ADK: variants seen among roughly 807,000 people sequenced by gnomAD.
The protein encoded by ADK is N6,N6-dimethyladenosine kinase.
In ADK, 24 loss-of-function variants were observed where a neutral mutation model predicts 44.7. That is an observed-to-expected ratio of 0.54 (90% confidence interval 0.39 to 0.76). ADK has a LOEUF of 0.76. Among genes scored for constraint, ADK ranks in the 30% least tolerant of loss-of-function variants. The pLI, the probability that ADK is intolerant of heterozygous loss-of-function variation, is 0.00. For missense variants in ADK, 321 were observed against 425.1 expected (o/e 0.76, Z 2.15); for synonymous variants, 128 against 142.6 (o/e 0.90, Z 0.73).
At chr10:74,403,399 G>A (rs10824168) in intron 6 of ADK, among the ~76,000 whole-genome samples, 91,336 of 151,922 alleles carry the variant, frequency 0.6, 29,997 homozygotes, top group Middle Eastern at 0.77. Flanking sequence ...TACCTAGTTC[G>A]AGCTTCCTGG....
At chr10:74,320,608 AT>A (rs1840775664) in intron 4 of ADK, among the ~76,000 whole-genome samples, 1 of 152,032 alleles carries the variant, frequency 6.6e-6, no homozygotes, top group Admixed American at 6.6e-5. Context: ...CATTCTCATA[AT>A]TAATATGTTG....
At chr10:74,306,578 T>C (rs1840255867) in intron 3 of ADK, among the ~76,000 whole-genome samples, 1 of 152,242 alleles carries the variant, frequency 6.6e-6, no homozygotes, top group Admixed American at 6.5e-5. Context: ...ACCAACACTT[T>C]ATATGCAAAT....
chr10:74,455,282 T>A (rs1403720060), intron 6 of ADK, among the ~76,000 whole-genome samples: 1 of 151,940 alleles, frequency 6.6e-6, no homozygotes, highest in Non-Finnish European at 1.5e-5. Flanking sequence ...GGTGGGAGGA[T>A]CACTTGGAGC....
chr10:74,618,579 G>A (rs553944463), intron 9 of ADK, among the ~76,000 whole-genome samples: 52 of 152,260 alleles, frequency 3.4e-4, no homozygotes, highest in Non-Finnish European at 6.3e-4. Context: ...GTGAGCCATC[G>A]TGCCCAGCCT....
chr10:74,219,783 G>A (rs1433489874), intron 2 of ADK, among the ~76,000 whole-genome samples: 11 of 151,026 alleles, frequency 7.3e-5, no homozygotes, highest in Admixed American at 4.0e-4. Context: ...GGTACATAAC[G>A]AAATGAAGGC....
At chr10:74,239,293 T>TTTTACTCA (rs1491478647) in intron 3 of ADK, among the ~76,000 whole-genome samples, 1 of 152,128 alleles carries the variant, frequency 6.6e-6, no homozygotes, top group African/African-American at 2.4e-5. Flanking sequence ...TTTGGAGTTG[T>TTTTACTCA]TTTACTCAGT....
intron 3 of ADK, among the ~76,000 whole-genome samples, chr10:74,256,267 A>G (rs1306556666): frequency 6.6e-6 from 1 of 152,164 alleles, no homozygotes; most frequent in African/African-American, 2.4e-5. Context: ...TGCTGAGAAG[A>G]TTAGAGGATT....
intron 7 of ADK, among the ~76,000 whole-genome samples, chr10:74,553,190 G>GT (rs386371837): frequency 0.034 from 2,052 of 60,412 alleles, 618 homozygotes; most frequent in East Asian, 0.046. Flanking sequence ...AGCACATTGT[G>GT]TTTTTTTTTT....
chr10:74,518,914 A>G (rs1848701351), intron 6 of ADK, among the ~76,000 whole-genome samples: 1 of 152,126 alleles, frequency 6.6e-6, no homozygotes, highest in Non-Finnish European at 1.5e-5. Flanking sequence ...TTTATGTGCC[A>G]TAAGCATTTT....
At chr10:74,348,491 A>G (rs1841852040) in intron 4 of ADK, among the ~76,000 whole-genome samples, 1 of 152,122 alleles carries the variant, frequency 6.6e-6, no homozygotes, top group Non-Finnish European at 1.5e-5. Context: ...AACCAGCGCA[A>G]AAACGGTGAA....
At chr10:74,595,692 G>A (rs1479892729) in intron 8 of ADK, among the ~76,000 whole-genome samples, 1 of 24 alleles carries the variant, frequency 0.042, no homozygotes, top group East Asian at 0.5. Flanking sequence ...CAGTTCAACA[G>A]ATTAAAAAAA....
At chr10:74,627,704 C>A (rs1031000129) in intron 9 of ADK, among the ~76,000 whole-genome samples, 2 of 152,218 alleles carry the variant, frequency 1.3e-5, no homozygotes, top group South Asian at 4.2e-4. Context: ...ACGATCTCGG[C>A]TCACTGCAAC....
intron 6 of ADK, among the ~76,000 whole-genome samples, chr10:74,478,151 C>G (rs922948161): frequency 8.5e-5 from 13 of 152,176 alleles, no homozygotes; most frequent in African/African-American, 3.1e-4. Flanking sequence ...TCAACCAATT[C>G]TACTGCCTCA....
At chr10:74,471,199 CA>C (rs1380160061) in intron 6 of ADK, among the ~76,000 whole-genome samples, 8 of 152,056 alleles carry the variant, frequency 5.3e-5, no homozygotes, top group East Asian at 1.9e-4. Context: ...CTCAGCCTCC[CA>C]AGTAGCTGGG....
At chr10:74,696,794 A>G (rs1387327271) in intron 10 of ADK, among the ~76,000 whole-genome samples, 2 of 152,088 alleles carry the variant, frequency 1.3e-5, no homozygotes, top group Non-Finnish European at 2.9e-5. Context: ...CAATATTTTC[A>G]CTTGCTTTCT....
chr10:74,682,393 C>T (rs1177240620), intron 10 of ADK, among the ~76,000 whole-genome samples: 1 of 152,084 alleles, frequency 6.6e-6, no homozygotes, highest in Non-Finnish European at 1.5e-5. Context: ...TTTCTTATAG[C>T]TACAGTACTG....
intron 8 of ADK, among the ~76,000 whole-genome samples, chr10:74,594,022 T>A (rs906959606): frequency 6.6e-6 from 1 of 152,172 alleles, no homozygotes. Context: ...GGAATCCAGT[T>A]CATGTTCTTT....
intron 6 of ADK, among the ~76,000 whole-genome samples, chr10:74,445,891 TCTAA>T (rs1300588009): frequency 2.0e-5 from 3 of 152,088 alleles, no homozygotes; most frequent in Admixed American, 6.5e-5. Flanking sequence ...CTGTCATGAA[TCTAA>T]CTCTTTTTAA....
At chr10:74,401,493 A>G (rs1843709743) in intron 6 of ADK, among the ~76,000 whole-genome samples, 1 of 151,810 alleles carries the variant, frequency 6.6e-6, no homozygotes, top group South Asian at 2.1e-4. Context: ...CCATTATGTA[A>G]TGGCCTTCTT....
Sources: allele counts gnomAD v4.1 joint callset (sites outside exome capture counted in the v4.1 genomes callset), GRCh38; gene constraint gnomAD v4.1.1; transcripts MANE v1.5; gene names NCBI Gene and HGNC (gene_info 2026-07-23, HGNC 2026-07-21).